TCF7L1: variants seen among roughly 807,000 people sequenced by gnomAD.
TCF7L1 encodes the protein transcription factor 7 like 1.
A neutral mutation model predicts 63.7 loss-of-function variants in TCF7L1; 18 were observed. The ratio of observed to expected loss-of-function variants is 0.28; its 90% CI spans 0.20 to 0.42. The LOEUF is 0.42. TCF7L1 is among the 10% of genes least tolerant of loss of function. The pLI is 1.00. For missense variants in TCF7L1, 654 were observed against 779.3 expected (o/e 0.84, Z 1.91); for synonymous variants, 355 against 340.9 (o/e 1.04, Z -0.46).
intron 3 of TCF7L1, among the ~76,000 whole-genome samples, chr2:85,144,549 C>T (rs758737225): frequency 2.2e-4 from 34 of 151,894 alleles, no homozygotes; most frequent in Non-Finnish European, 3.1e-4. Context: ...CTGCAGTAAG[C>T]CAAGATTACC....
chr2:85,153,340 A>ATTTTTTTTTTTTTTTTTT lies in TCF7L1; in HGVS notation c.441+18892_441+18909dup, dbSNP rs66697146. 5.3e-4 allele frequency among the ~76,000 whole-genome samples: 54 copies of ATTTTTTTTTTTTTTTTTT among 102,256 alleles called. 3 individuals are homozygous for ATTTTTTTTTTTTTTTTTT. The highest frequency in any genetic ancestry group is 1.4e-3 in the African/African-American group (34 of 23,746). 67.1% of individuals were successfully genotyped at this position (102,256 alleles called of 152,430 possible). A position where few individuals can be genotyped will look rare whatever the true frequency, so the allele number is the denominator to read the frequency against. ...TTCATGATCTTGCTAGCCTTTATAAATTTTTTTTTTTTTTTTTTTGAGATG... is the reference window on the plus strand; with the variant it reads ...TTCATGATCTTGCTAGCCTTTATAAATTTTTTTTTTTTTTTTTTTTTTTTTTTTTTTTTTTTTGAGATG... On this transcript the variant is annotated intron_variant, in intron 3 of 11. Coordinates refer to ENST00000282111, the MANE Select transcript of TCF7L1 (RefSeq NM_031283.3).
intron 3 of TCF7L1, among the ~76,000 whole-genome samples, chr2:85,228,108 T>C (rs1025176518): frequency 2.0e-5 from 3 of 152,050 alleles, no homozygotes; most frequent in African/African-American, 7.2e-5. Flanking sequence ...GGCAGTGTCT[T>C]AGGGACTAAG....
Position 85,248,666 on chromosome 2 carries a change from C to G in TCF7L1, c.442-34829C>G, listed in dbSNP as rs1017279007. The stretch of plus-strand genomic sequence containing the variant: ...CTCAGCCAACCACCAACTCCCACCC[C>G]CTAAACCATCAAGATTGCTAGCGTT... On this transcript the variant is annotated intron_variant, in intron 3 of 11. Coordinates refer to ENST00000282111, the MANE Select transcript of TCF7L1 (RefSeq NM_031283.3). 2.6e-5 allele frequency among the ~76,000 whole-genome samples: 4 copies of G among 152,174 alleles called. No individual in the cohort carries two copies. The East Asian group carries it at 5.8e-4, about 22-fold the overall frequency.
chr2:85,193,340 T>G (rs1679080558), intron 3 of TCF7L1, among the ~76,000 whole-genome samples: 1 of 152,132 alleles, frequency 6.6e-6, no homozygotes, highest in African/African-American at 2.4e-5. Context: ...TGATATTTAG[T>G]CTGGGTGGGA....
At chr2:85,278,612 C>T (rs1430682562) in intron 3 of TCF7L1, among the ~76,000 whole-genome samples, 1 of 152,150 alleles carries the variant, frequency 6.6e-6, no homozygotes, top group African/African-American at 2.4e-5. Flanking sequence ...ACAACTGCTC[C>T]AATGAAAACA....
Position 85,303,969 on chromosome 2 carries a change from C to T in TCF7L1, c.733C>T (p.Pro245Ser), listed in dbSNP as rs1485555647. The T allele has an allele frequency of 1.9e-6, 3 of 1,612,370 alleles. No homozygotes were observed. Among genetic ancestry groups the T allele is most frequent in the Non-Finnish European group, 8.5e-7 (1 of 1,179,226 alleles). ...CTCTCCCGGAGCTGTCGGACAAATC[C>T]CCCACCCCCTCGGCTGGCTCGTCCC... ...PLSPGAVGQI[P>S]HPLGWLVPQQ... is the part of the protein sequence containing the mutation. The change falls in exon 6 of 12, where the codon CCC (proline) becomes TCC (serine). Residue 245 changes from proline (P) to serine (S), a missense_variant. Physicochemically the swap from Pro to Ser is moderately conservative, Grantham distance 74. This residue lies in a region of TCF7L1 where 404 missense variants were observed against 454.8 expected (regional missense o/e 0.89). Transcript: ENST00000282111.
intron 4 of TCF7L1, among the ~76,000 whole-genome samples, chr2:85,285,620 G>A (rs1354418046): frequency 6.6e-6 from 1 of 152,222 alleles, no homozygotes; most frequent in Non-Finnish European, 1.5e-5. Context: ...TCCCACTTGG[G>A]ATAGCCAAGC....
At chr2:85,149,322 T>TAG (rs1677953325) in intron 3 of TCF7L1, among the ~76,000 whole-genome samples, 1 of 86,986 alleles carries the variant, frequency 1.1e-5, no homozygotes, top group Non-Finnish European at 2.4e-5. Context: ...TATACACATA[T>TAG]ACACATATGT....
rs541262504 is a variant in TCF7L1 at position 85,297,928 on chromosome 2, T to C, written c.526-4556T>C. ...ATTTTAACACTGTATTAAAATATTT[T>C]AATAAACTTATTTATCTAATATTTT... On this transcript the variant is annotated intron_variant, in intron 4 of 11. Coordinates refer to ENST00000282111, the MANE Select transcript of TCF7L1 (RefSeq NM_031283.3). Among the ~76,000 whole-genome samples, 3 of 152,002 alleles carry C rather than the reference T, an allele frequency of 2.0e-5. No individual in the cohort carries two copies. The East Asian group carries it at 5.8e-4, about 29-fold the overall frequency.
At chr2:85,231,232 C>T (rs973839229) in intron 3 of TCF7L1, among the ~76,000 whole-genome samples, 2 of 152,188 alleles carry the variant, frequency 1.3e-5, no homozygotes, top group African/African-American at 4.8e-5. Context: ...GCCCAAGCAT[C>T]TCTCCTCTGT....
At chr2:85,307,856 G>T (rs1435138430) in intron 11 of TCF7L1, 139 bp downstream of exon 11, 1 of 699,138 alleles carries the variant, frequency 1.4e-6, no homozygotes, top group Non-Finnish European at 2.5e-6. Context: ...CCTTTCTCGA[G>T]GTGGCCACTT....
chr2:85,134,969 G>C lies in TCF7L1; in HGVS notation c.441+519G>C, dbSNP rs112896497. 1.3e-5 allele frequency among the ~76,000 whole-genome samples: 2 copies of C among 152,264 alleles called. No homozygotes were observed. The highest frequency in any genetic ancestry group is 2.9e-5 in the Non-Finnish European group (2 of 68,030). On this transcript the variant is annotated intron_variant, in intron 3 of 11. Coordinates refer to ENST00000282111, the MANE Select transcript of TCF7L1 (RefSeq NM_031283.3). This position sits in a 1 kb window ranked among gnomAD's most constrained non-coding sequence, Gnocchi z 5.0. Reference sequence around the variant, plus strand: ...CGCACCGGGGCCTCAGCTTTTCTGCGGAGCTAGCTCCGAATTTTAAACTCG... The same window carrying C: ...CGCACCGGGGCCTCAGCTTTTCTGCCGAGCTAGCTCCGAATTTTAAACTCG...
At chr2:85,288,643 G>T (rs895385688) in intron 4 of TCF7L1, among the ~76,000 whole-genome samples, 1 of 152,224 alleles carries the variant, frequency 6.6e-6, no homozygotes. Context: ...TAACAAGGAA[G>T]TATGTCTAAG....
chr2:85,239,236 G>T (rs1002735863), intron 3 of TCF7L1, among the ~76,000 whole-genome samples: 3 of 152,130 alleles, frequency 2.0e-5, no homozygotes, highest in Non-Finnish European at 2.9e-5. Flanking sequence ...TCCCCCTGCA[G>T]TCCCTGTATG....
intron 4 of TCF7L1, among the ~76,000 whole-genome samples, chr2:85,291,182 A>G (rs1681707207): frequency 6.6e-6 from 1 of 152,178 alleles, no homozygotes; most frequent in Non-Finnish European, 1.5e-5. Flanking sequence ...TTCTCTTAGG[A>G]ACACACCTTC....
At chr2:85,280,020 T>G (rs185060197) in intron 3 of TCF7L1, among the ~76,000 whole-genome samples, 1 of 152,304 alleles carries the variant, frequency 6.6e-6, no homozygotes, top group East Asian at 1.9e-4. Flanking sequence ...TTACTATGAA[T>G]GTGTGTACAA....
Position 85,304,322 on chromosome 2 carries a change from A to T in TCF7L1, c.829A>T (p.Asn277Tyr), listed in dbSNP as rs1334931680. 1.2e-6 allele frequency: 2 copies of T among 1,613,862 alleles called. No homozygotes were observed. The highest frequency in any genetic ancestry group is 1.7e-5 in the Admixed American group (1 of 59,988). The change falls in exon 7 of 12, where the codon AAC becomes TAC. Residue 277 changes from asparagine (N) to tyrosine (Y), a missense_variant. Physicochemically the swap from Asn to Tyr is moderately radical, Grantham distance 143 (BLOSUM62 -2). Around this residue, in one of 3 missense-constraint regions of TCF7L1, gnomAD observed 404 missense variants for 454.8 expected, o/e 0.89. Transcript: ENST00000282111. ...FRHPYPALAM[N>Y]ASMSSLVSSR... The stretch of plus-strand genomic sequence containing the variant: ...GCACCCTTACCCCGCCCTCGCCATG[A>T]ACGCCTCGATGTCCAGGTGAGTCCC...
intron 3 of TCF7L1, among the ~76,000 whole-genome samples, chr2:85,177,987 G>A (rs1031868902): frequency 2.6e-5 from 4 of 152,096 alleles, no homozygotes; most frequent in Admixed American, 6.5e-5. Context: ...TCTGTGGAAC[G>A]GATATAGAGT....
intron 3 of TCF7L1, among the ~76,000 whole-genome samples, chr2:85,258,848 G>A (rs898218615): frequency 7.2e-5 from 11 of 152,180 alleles, no homozygotes; most frequent in Admixed American, 5.2e-4. Flanking sequence ...GCCTCCGAAG[G>A]CGTCTTTAGG....
Sources: gnomAD v4.1 joint callset for allele counts (sites outside exome capture counted in the v4.1 genomes callset) on GRCh38, gnomAD v4.1.1 for gene constraint, gnomAD v4.1.1 regional missense constraint, Gnocchi (gnomAD v3.1) non-coding constraint, MANE v1.5 for transcripts, NCBI Gene and HGNC (gene_info 2026-07-23, HGNC 2026-07-21) for gene names.